SLC12A6: variants seen among roughly 807,000 people sequenced by gnomAD.
SLC12A6 encodes K-Cl cotransporter 3.
Under a neutral mutation model 135.3 loss-of-function variants are expected in SLC12A6, and 66 were observed. The observed-to-expected ratio is 0.49, with a 90% confidence interval of 0.40 to 0.60. SLC12A6 has a LOEUF of 0.60. Ranked by LOEUF, SLC12A6 falls within the 20% of genes least tolerant of loss-of-function variation. The pLI, the probability that SLC12A6 is intolerant of heterozygous loss-of-function variation, is 0.00. For missense variants in SLC12A6, 1,058 were observed against 1,452.3 expected, an observed-to-expected ratio of 0.73 and a Z score of 4.41; for synonymous variants, 513 against 508.8, an observed-to-expected ratio of 1.01 and a Z score of -0.11.
chr15:34,244,207 T>G (rs1891836338), intron 15 of SLC12A6, 135 bp from the exon 16 acceptor site: 1 of 688,708 alleles, frequency 1.5e-6, no homozygotes, highest in South Asian at 1.6e-5. Context: ...GTAGGGAAAC[T>G]TAAACCTCTC....
intron 2 of SLC12A6, among the ~76,000 whole-genome samples, chr15:34,329,901 T>C (rs1214214404): frequency 6.6e-6 from 1 of 152,128 alleles, no homozygotes; most frequent in East Asian, 1.9e-4. Flanking sequence ...GCTAATCTTG[T>C]TTTGTCTATC....
intron 2 of SLC12A6, among the ~76,000 whole-genome samples, chr15:34,281,161 TA>T (rs1894654173): frequency 6.6e-6 from 1 of 152,162 alleles, no homozygotes; most frequent in Admixed American, 6.5e-5. Context: ...CGGTTAACAA[TA>T]ATATATTAGA....
In SLC12A6 at chr15:34,250,361, A is replaced by G. The variant is rs772116543; in HGVS notation, c.1592-6T>C. On this transcript the variant is annotated splice_polypyrimidine_tract_variant and splice_region_variant and intron_variant, in intron 12 of 25. Transcript: ENST00000354181. Reference sequence around the variant, plus strand: ...AAGGACAACATTGCTTAAATCTACCATATTGAGAGTCAAGGAAACTGTTGT... The same window carrying G: ...AAGGACAACATTGCTTAAATCTACCGTATTGAGAGTCAAGGAAACTGTTGT... 5.7e-6 allele frequency: 9 copies of G among 1,572,624 alleles called. No individual in the cohort carries two copies. The highest frequency in any genetic ancestry group is 7.9e-6 in the Non-Finnish European group (9 of 1,142,020).
rs868273832 is a variant in SLC12A6 at position 34,236,781 on chromosome 15, C to T, written c.2969G>A (p.Arg990His). 6.2e-7 allele frequency: 1 copy of T among 1,611,782 alleles called. No individual in the cohort carries two copies. The highest frequency in any genetic ancestry group is 2.2e-5 in the East Asian group (1 of 44,876). ...GGACCTTTGTTCCATCATCAAAGTG[C>T]GCTCGTAAGTATATGCTGATATATC... ...DSDISAYTYERTLMMEQRSQM... is the reference protein window; with the variant it reads ...DSDISAYTYEHTLMMEQRSQM... The change falls in exon 23 of 26, where the codon CGC becomes CAC. Residue 990 changes from arginine to histidine, a missense_variant. Transcript: ENST00000354181.
chr15:34,330,364 G>A (rs1283520358), intron 2 of SLC12A6, among the ~76,000 whole-genome samples: 1 of 152,172 alleles, frequency 6.6e-6, no homozygotes, highest in South Asian at 2.1e-4. Flanking sequence ...ATAGAGAAGA[G>A]AGGAAAAACA....
At chr15:34,315,696 C>G (rs1330537528) in intron 2 of SLC12A6, among the ~76,000 whole-genome samples, 1 of 152,120 alleles carries the variant, frequency 6.6e-6, no homozygotes, top group African/African-American at 2.4e-5. Flanking sequence ...GTCAAAAATT[C>G]ATGTGACGGC....
chr15:34,239,119 G>A lies in SLC12A6; in HGVS notation c.2478C>T (p.Phe826=). The change falls in exon 20 of 26, where the codon TTC becomes TTT. Residue 826 remains phenylalanine, a synonymous_variant. Coordinates refer to ENST00000354181, the MANE Select transcript of SLC12A6 (RefSeq NM_001365088.1). ...GCTTGGCGGCCACCACCAGCTGGCA[G>A]AATCCTTTTACCTTCTCTGCCTCCA... ...HLMEAEKVKG[F]CQLVVAAKLR... 1.2e-6 allele frequency: 2 copies of A among 1,614,108 alleles called. No homozygotes were observed. The highest frequency in any genetic ancestry group is 1.7e-6 in the Non-Finnish European group (2 of 1,179,968).
At chr15:34,335,396 G>A (rs966515697) in intron 2 of SLC12A6, among the ~76,000 whole-genome samples, 9 of 152,114 alleles carry the variant, frequency 5.9e-5, no homozygotes, top group Admixed American at 4.6e-4. Flanking sequence ...TCCTGACACC[G>A]GAAAATGGTG....
Position 34,252,377 on chromosome 15 carries a change from T to G in SLC12A6, c.1126A>C (p.Met376Leu), listed in dbSNP as rs1483083427. The change falls in exon 10 of 26, where the codon ATG becomes CTG. Residue 376 changes from methionine to leucine, a missense_variant. Met to Leu is a conservative substitution (Grantham distance 15). This residue lies in a region of SLC12A6 where 297 missense variants were observed against 318.5 expected (regional missense o/e 0.93). Coordinates refer to ENST00000354181, the MANE Select transcript of SLC12A6 (RefSeq NM_001365088.1). The stretch of plus-strand genomic sequence containing the variant: ...GATGAAAGGGTGCGGTTACCCAGCA[T>G]GCAGACCCTAAGTGAAAAGAAATAG... ...SFAPPHFPVC[M>L]LGNRTLSSRH... 6.3e-7 allele frequency: 1 copy of G among 1,598,662 alleles called. No homozygotes were observed. The highest frequency in any genetic ancestry group is 8.6e-7 in the Non-Finnish European group (1 of 1,167,168).
At chr15:34,321,245 T>C (rs1168566678) in intron 2 of SLC12A6, among the ~76,000 whole-genome samples, 1 of 152,226 alleles carries the variant, frequency 6.6e-6, no homozygotes, top group Non-Finnish European at 1.5e-5. Context: ...CTGGTTTGGC[T>C]GCACAGGTTC....
chr15:34,236,823 A>T lies in SLC12A6; in HGVS notation c.2935-8T>A. On this transcript the variant is annotated splice_polypyrimidine_tract_variant and splice_region_variant and intron_variant, in intron 22 of 25. Coordinates refer to ENST00000354181, the MANE Select transcript of SLC12A6 (RefSeq NM_001365088.1). Reference sequence around the variant, plus strand: ...TGATATATCACTGTCATGCTGCCATAGACATCACATAAAAGGGGCAAAAAG... The same window carrying T: ...TGATATATCACTGTCATGCTGCCATTGACATCACATAAAAGGGGCAAAAAG... 1 of 1,541,846 alleles carries T rather than the reference A, an allele frequency of 6.5e-7. No homozygotes were observed. Among genetic ancestry groups the T allele is most frequent in the Non-Finnish European group, 9.0e-7 (1 of 1,113,848 alleles).
At chr15:34,283,158 C>G (rs1022079589) in intron 2 of SLC12A6, among the ~76,000 whole-genome samples, 11 of 152,064 alleles carry the variant, frequency 7.2e-5, no homozygotes. Context: ...GCCTGGCCAA[C>G]ATGGTGAAAC....
intron 2 of SLC12A6, among the ~76,000 whole-genome samples, chr15:34,322,379 A>G (rs1158554512): frequency 1.3e-5 from 2 of 151,990 alleles, no homozygotes; most frequent in Admixed American, 6.6e-5. Context: ...TCTATCTCGA[A>G]AAAAAAACAA....
At position 34,252,384 on chromosome 15, in the gene SLC12A6, C is replaced by A; in HGVS notation, c.1119G>T (p.Pro373=). 6.3e-7 allele frequency: 1 copy of A among 1,585,384 alleles called. No homozygotes were observed. The highest frequency in any genetic ancestry group is 1.1e-5 in the South Asian group (1 of 90,470). ...GGGTGCGGTTACCCAGCATGCAGAC[C>A]CTAAGTGAAAAGAAATAGGGAGAAA... The part of the protein sequence containing the change: ...IKSSFAPPHF[P]VCMLGNRTLS... Residue 373 remains proline (P), a splice_region_variant and synonymous_variant, in exon 10 of 26, where the codon CCG becomes CCT. Transcript: ENST00000354181.
intron 2 of SLC12A6, among the ~76,000 whole-genome samples, chr15:34,312,590 G>A (rs576843012): frequency 9.2e-5 from 14 of 152,326 alleles, no homozygotes; most frequent in African/African-American, 2.9e-4. Flanking sequence ...CAAGAAAGAC[G>A]TAAGGAAAGT....
At chr15:34,235,393 G>T in intron 24 of SLC12A6, 79 bp from the exon 25 acceptor site, 1 of 1,143,426 alleles carries the variant, frequency 8.7e-7, no homozygotes, top group Non-Finnish European at 1.3e-6. Flanking sequence ...TTGAGATCCT[G>T]AGCTTTTTCA....
intron 2 of SLC12A6, among the ~76,000 whole-genome samples, chr15:34,332,010 T>C (rs1448199551): frequency 6.6e-6 from 1 of 152,096 alleles, no homozygotes; most frequent in Non-Finnish European, 1.5e-5. Flanking sequence ...TCCAACAACA[T>C]TCAACCGTCT....
At position 34,264,577 on chromosome 15, in the gene SLC12A6, T is replaced by G. The variant is rs548075404; in HGVS notation, c.317-3557A>C. On this transcript the variant is annotated intron_variant, in intron 3 of 25. Coordinates refer to ENST00000354181, the MANE Select transcript of SLC12A6 (RefSeq NM_001365088.1). ...AAAAGACATATCAACTAATTGCAAATGAACATTGTTAGGATCCTGACTCAA... is the reference window on the plus strand; with the variant it reads ...AAAAGACATATCAACTAATTGCAAAGGAACATTGTTAGGATCCTGACTCAA... Among the ~76,000 whole-genome samples, 16 of 152,296 alleles carry G rather than the reference T, an allele frequency of 1.1e-4. No homozygotes were observed. In the South Asian group the frequency reaches 3.3e-3, roughly 32 times the overall value.
chr15:34,278,726 A>G (rs950428525), intron 2 of SLC12A6, among the ~76,000 whole-genome samples: 1 of 151,786 alleles, frequency 6.6e-6, no homozygotes, highest in African/African-American at 2.4e-5. Flanking sequence ...GCCCACCACC[A>G]CGCCCAGCTA....
Sources: allele counts gnomAD v4.1 joint callset (sites outside exome capture counted in the v4.1 genomes callset), GRCh38; gene constraint gnomAD v4.1.1; regional missense constraint gnomAD v4.1.1; transcripts MANE v1.5; gene names NCBI Gene and HGNC (gene_info 2026-07-23, HGNC 2026-07-21).